EIF3H: variants seen among roughly 807,000 people sequenced by gnomAD.
EIF3H encodes the protein eukaryotic translation initiation factor 3 subunit H.
Under a neutral mutation model 44.2 loss-of-function variants are expected in EIF3H, and 26 were observed. The observed-to-expected ratio is 0.59, with a 90% CI of 0.43 to 0.82. The LOEUF is 0.82. Among genes scored for constraint, EIF3H ranks in the 40% least tolerant of loss-of-function variants. The pLI, the probability that EIF3H is intolerant of heterozygous loss-of-function variation, is 0.00. For missense variants in EIF3H, 359 were observed against 432.8 expected (o/e 0.83, Z 1.51); for synonymous variants, 166 against 151.9 (o/e 1.09, Z -0.68).
intron 1 of EIF3H, among the ~76,000 whole-genome samples, chr8:116,729,048 G>A (rs1263634531): frequency 6.6e-6 from 1 of 152,080 alleles, no homozygotes; most frequent in Admixed American, 6.6e-5. Flanking sequence ...TGATCAAGAC[G>A]GGATAAACTA....
chr8:116,687,109 G>A (rs1400305860), intron 2 of EIF3H, among the ~76,000 whole-genome samples: 3 of 152,120 alleles, frequency 2.0e-5, no homozygotes, highest in Non-Finnish European at 4.4e-5. Context: ...ACTTGGATGA[G>A]GAAACCCAGT....
At chr8:116,733,638 A>T (rs2130941798) in intron 1 of EIF3H, among the ~76,000 whole-genome samples, 1 of 152,272 alleles carries the variant, frequency 6.6e-6, no homozygotes, top group East Asian at 1.9e-4. Flanking sequence ...AAAAAATTTT[A>T]AAAATCCCTA....
chr8:116,758,252 TAATCAGA>T (rs1815480993), upstream of EIF3H, among the ~76,000 whole-genome samples: 1 of 151,726 alleles, frequency 6.6e-6, no homozygotes, highest in Non-Finnish European at 1.5e-5. Context: ...GAAAAGAAAA[TAATCAGA>T]GACAGAAGGA....
At chr8:116,741,529 A>T (rs925036529) in intron 1 of EIF3H, among the ~76,000 whole-genome samples, 7 of 152,242 alleles carry the variant, frequency 4.6e-5, no homozygotes, top group African/African-American at 1.7e-4. Flanking sequence ...GTTTCTTAAA[A>T]GTCTGAAATA....
intron 3 of EIF3H, chr8:116,658,601 A>G (rs1813531496): frequency 2.2e-6 from 1 of 459,726 alleles, no homozygotes; most frequent in Non-Finnish European, 3.8e-6. Context: ...CCAGCATTCC[A>G]AAATGTACAC....
intron 6 of EIF3H, among the ~76,000 whole-genome samples, chr8:116,647,887 A>G (rs920651201): frequency 6.6e-6 from 1 of 152,076 alleles, no homozygotes; most frequent in East Asian, 1.9e-4. Flanking sequence ...TTTCCCCCTC[A>G]GTTTATCAGA....
chr8:116,737,518 T>C (rs1208217698), intron 1 of EIF3H, among the ~76,000 whole-genome samples: 1 of 151,832 alleles, frequency 6.6e-6, no homozygotes, highest in Non-Finnish European at 1.5e-5. Flanking sequence ...TGGCCAGATA[T>C]GGTGGCTGGC....
chr8:116,727,448 C>T (rs1814864615), intron 1 of EIF3H, among the ~76,000 whole-genome samples: 1 of 152,170 alleles, frequency 6.6e-6, no homozygotes, highest in Non-Finnish European at 1.5e-5. Context: ...CTGATGACGC[C>T]AGAGATAAAG....
Position 116,648,208 on chromosome 8 carries a change from G to A in EIF3H, c.828+598C>T, listed in dbSNP as rs112062054. Among the ~76,000 whole-genome samples, 86 of 152,250 alleles carry A rather than the reference G, an allele frequency of 5.6e-4. 1 individual carries two copies. Among genetic ancestry groups the A allele is most frequent in the African/African-American group, 1.8e-3 (75 of 41,532 alleles). Reference sequence around the variant, plus strand: ...TGAATCAAATGCTAAGAACACTTTAGAGCAGTATAGTCCAAATACAATATT... The same window carrying A: ...TGAATCAAATGCTAAGAACACTTTAAAGCAGTATAGTCCAAATACAATATT... On this transcript the variant is annotated intron_variant, in intron 6 of 7. Transcript: ENST00000521861.
rs540482535 is a variant in EIF3H at position 116,706,617 on chromosome 8, C to T, written c.289+19399G>A. 3.8e-4 allele frequency among the ~76,000 whole-genome samples: 58 copies of T among 152,304 alleles called. 1 individual carries two copies. In the South Asian group the frequency reaches 0.012, roughly 32 times the overall value. ...TGGCACCATCTCAGCTCACTGCAAC[C>T]TCCATTTCCCGGTTTCAAGAGATTC... On this transcript the variant is annotated intron_variant, in intron 2 of 7. Transcript: ENST00000521861.
In EIF3H at chr8:116,655,946, T is replaced by G; in HGVS notation, c.617A>C (p.Lys206Thr). ...YMFEEVPIVI[K>T]NSHLINVLMW... is the part of the protein sequence containing the mutation. Reference sequence around the variant, plus strand: ...TAGGACATTGATCAGATGTGAATTTTTAATTACAATCGGCACTTCTTCAAA... The same window carrying G: ...TAGGACATTGATCAGATGTGAATTTGTAATTACAATCGGCACTTCTTCAAA... The change falls in exon 5 of 8, where the codon AAA becomes ACA. Residue 206 changes from lysine to threonine, a missense_variant. Coordinates refer to ENST00000521861, the MANE Select transcript of EIF3H (RefSeq NM_003756.3). The G allele has an allele frequency of 6.2e-7, 1 of 1,613,820 alleles. No homozygotes were observed. Among genetic ancestry groups the G allele is most frequent in the Non-Finnish European group, 8.5e-7 (1 of 1,179,778 alleles).
chr8:116,729,358 T>A (rs749831084), intron 1 of EIF3H, among the ~76,000 whole-genome samples: 5 of 152,172 alleles, frequency 3.3e-5, no homozygotes, highest in African/African-American at 1.2e-4. Context: ...AATAAAAAAA[T>A]TAATATATTT....
chr8:116,737,084 T>C (rs1586485563), intron 1 of EIF3H, among the ~76,000 whole-genome samples: 1 of 152,146 alleles, frequency 6.6e-6, no homozygotes, highest in African/African-American at 2.4e-5. Flanking sequence ...GTTAAAATAT[T>C]TACCATCTCC....
chr8:116,647,626 C>A (rs1436245835), intron 6 of EIF3H, among the ~76,000 whole-genome samples: 2 of 152,136 alleles, frequency 1.3e-5, no homozygotes, highest in Non-Finnish European at 2.9e-5. Context: ...ACGTAATATC[C>A]CATACACAAC....
At chr8:116,676,141 G>A (rs938757642) in intron 2 of EIF3H, among the ~76,000 whole-genome samples, 1 of 152,182 alleles carries the variant, frequency 6.6e-6, no homozygotes, top group South Asian at 2.1e-4. Context: ...AGATACATAC[G>A]CAATTAAGAT....
intron 1 of EIF3H, among the ~76,000 whole-genome samples, chr8:116,728,183 G>A (rs897082136): frequency 4.6e-5 from 7 of 152,066 alleles, no homozygotes; most frequent in African/African-American, 1.7e-4. Context: ...GTTAATAACA[G>A]CACATTACAT....
intron 1 of EIF3H, among the ~76,000 whole-genome samples, chr8:116,730,907 T>A (rs1236909208): frequency 6.6e-6 from 1 of 152,228 alleles, no homozygotes; most frequent in East Asian, 1.9e-4. Context: ...GTTATATTAT[T>A]TTCCCATTTT....
intron 2 of EIF3H, among the ~76,000 whole-genome samples, chr8:116,661,801 T>G (rs1813590107): frequency 6.6e-6 from 1 of 152,162 alleles, no homozygotes; most frequent in African/African-American, 2.4e-5. Context: ...TTCTTCTTTA[T>G]CCAGAGTCTT....
chr8:116,755,893 C>A, upstream of EIF3H: 1 of 1,566,040 alleles, frequency 6.4e-7, no homozygotes, highest in Non-Finnish European at 8.6e-7. Context: ...GTTCGAGGGG[C>A]GGAGACGGAA....
Sources: gnomAD v4.1 joint callset for allele counts (sites outside exome capture counted in the v4.1 genomes callset) on GRCh38, gnomAD v4.1.1 for gene constraint, MANE v1.5 for transcripts, NCBI Gene and HGNC (gene_info 2026-07-23, HGNC 2026-07-21) for gene names.